The following NEK11 variants were observed in gnomAD, a reference collection of about 807,000 sequenced individuals.
The protein encoded by NEK11 is serine/threonine-protein kinase Nek11.
Under a neutral mutation model 80.7 loss-of-function variants are expected in NEK11, and 72 were observed. That is an observed-to-expected ratio of 0.89 (90% CI 0.74 to 1.08). The LOEUF is 1.08. Among genes scored for constraint, NEK11 ranks in the 50% least tolerant of loss-of-function variants. The pLI, the probability that NEK11 is intolerant of heterozygous loss-of-function variation, is 0.00. For synonymous variants in NEK11, 251 were observed against 260.7 expected (o/e 0.96, Z 0.36); for missense variants, 764 against 763.6 (o/e 1.00, Z -0.01).
chr3:131,094,866 A>C (rs75495415), intron 4 of NEK11, among the ~76,000 whole-genome samples: 4,737 of 152,276 alleles, frequency 0.031, 227 homozygotes, highest in African/African-American at 0.1. Flanking sequence ...TTTAGAACAG[A>C]CAGCCTGCCA....
intron 14 of NEK11, among the ~76,000 whole-genome samples, chr3:131,195,793 A>AATATATATATATATATATATATAT (rs58272752): frequency 5.7e-4 from 76 of 133,860 alleles, no homozygotes; most frequent in African/African-American, 2.1e-3. Context: ...TATATTTCAG[A>AATATATATATATATATATATATAT]ATATATATAT....
At chr3:131,087,957 T>C (rs1040850061) in intron 4 of NEK11, 1 of 152,286 alleles carries the variant, frequency 6.6e-6, no homozygotes, top group Non-Finnish European at 1.5e-5. Flanking sequence ...GTGACATTGA[T>C]TGGTGATCAT....
intron 17 of NEK11, among the ~76,000 whole-genome samples, chr3:131,303,805 G>T (rs2096690601): frequency 6.6e-6 from 1 of 152,044 alleles, no homozygotes; most frequent in Admixed American, 6.6e-5. Context: ...TTTTGACCTT[G>T]GAGAATCTGA....
chr3:131,261,364 G>C (rs1429399448), intron 16 of NEK11, among the ~76,000 whole-genome samples: 3 of 152,320 alleles, frequency 2.0e-5, no homozygotes, highest in South Asian at 4.1e-4. Context: ...TGAGAAGAGA[G>C]ACTTCAGGAT....
At chr3:131,339,351 T>C (rs906391110) in intron 17 of NEK11, among the ~76,000 whole-genome samples, 1 of 152,176 alleles carries the variant, frequency 6.6e-6, no homozygotes, top group African/African-American at 2.4e-5. Context: ...TCCTTAGAAA[T>C]CAGTTAGTCT....
chr3:131,214,541 A>G (rs948750228), intron 14 of NEK11, among the ~76,000 whole-genome samples: 2 of 152,200 alleles, frequency 1.3e-5, no homozygotes, highest in Non-Finnish European at 2.9e-5. Flanking sequence ...TTTACTCTCT[A>G]AAGCAGGAAA....
At chr3:131,273,923 T>G (rs1241604366) in intron 17 of NEK11, among the ~76,000 whole-genome samples, 1 of 152,112 alleles carries the variant, frequency 6.6e-6, no homozygotes, top group Admixed American at 6.5e-5. Flanking sequence ...ATATACTTAT[T>G]GTTTTCTAGC....
At chr3:131,110,082 A>G (rs768105678) in intron 5 of NEK11, among the ~76,000 whole-genome samples, 161 bp downstream of exon 5, 1 of 152,170 alleles carries the variant, frequency 6.6e-6, no homozygotes, top group Non-Finnish European at 1.5e-5. Context: ...AAACTGTTGA[A>G]TGATTATATC....
rs376875663 is a variant in NEK11, at chr3:131,143,554, A to G, written c.648-8834A>G. The stretch of plus-strand genomic sequence containing the variant: ...CTGTTTTCATATGTGGATTCAAGAA[A>G]GATCTAAAAACTATGCTTCCACTGT... On this transcript the variant is annotated intron_variant, in intron 7 of 17. Transcript: ENST00000383366. 1.5e-4 allele frequency among the ~76,000 whole-genome samples: 23 copies of G among 152,140 alleles called. No homozygotes were observed. The East Asian group carries it at 2.7e-3, about 18-fold the overall frequency.
intron 3 of NEK11, among the ~76,000 whole-genome samples, chr3:131,066,963 C>G (rs1158768610): frequency 6.6e-6 from 1 of 151,736 alleles, no homozygotes; most frequent in African/African-American, 2.4e-5. Context: ...GTCTTAGTTT[C>G]TTTATTTCAA....
intron 3 of NEK11, among the ~76,000 whole-genome samples, chr3:131,078,344 C>A (rs966635198): frequency 1.3e-5 from 2 of 152,140 alleles, no homozygotes; most frequent in African/African-American, 4.8e-5. Flanking sequence ...AAAAAAAGGT[C>A]AAACGTTACC....
chr3:131,089,674 A>G (rs562968240), intron 4 of NEK11, among the ~76,000 whole-genome samples: 14 of 152,130 alleles, frequency 9.2e-5, no homozygotes, highest in Non-Finnish European at 1.9e-4. Flanking sequence ...CCTGACCTCA[A>G]GTGATCTGCC....
intron 17 of NEK11, among the ~76,000 whole-genome samples, chr3:131,304,428 T>C (rs960716560): frequency 3.6e-4 from 55 of 152,330 alleles, no homozygotes; most frequent in African/African-American, 1.3e-3. Flanking sequence ...TTAAGAATCA[T>C]TGCTGGGGAA....
intron 14 of NEK11, among the ~76,000 whole-genome samples, chr3:131,226,660 G>A (rs1186214007): frequency 1.3e-5 from 2 of 152,076 alleles, no homozygotes; most frequent in African/African-American, 4.8e-5. Context: ...TGGGATAATG[G>A]ACTTTGGAGA....
chr3:131,265,389 A>G (rs2096029267), intron 16 of NEK11, among the ~76,000 whole-genome samples: 1 of 152,172 alleles, frequency 6.6e-6, no homozygotes, highest in Non-Finnish European at 1.5e-5. Flanking sequence ...GATATGTTCC[A>G]TCAAAACTTA....
chr3:131,274,265 A>C (rs2096253465), intron 17 of NEK11, among the ~76,000 whole-genome samples: 1 of 148,168 alleles, frequency 6.7e-6, no homozygotes, highest in Admixed American at 6.7e-5. Flanking sequence ...AGTTTCATCC[A>C]TGTCCCTACA....
chr3:131,290,852 C>T (rs1252252574), intron 17 of NEK11, among the ~76,000 whole-genome samples: 1 of 152,134 alleles, frequency 6.6e-6, no homozygotes, highest in African/African-American at 2.4e-5. Flanking sequence ...CATATATCTC[C>T]TGCCCCCACA....
intron 11 of NEK11, among the ~76,000 whole-genome samples, chr3:131,163,178 A>C (rs1202864178): frequency 6.6e-6 from 1 of 152,208 alleles, no homozygotes; most frequent in Admixed American, 6.5e-5. Flanking sequence ...AATAGCATGA[A>C]GATTCCTCTA....
intron 16 of NEK11, among the ~76,000 whole-genome samples, chr3:131,271,584 CAGG>C (rs1305200052): frequency 6.6e-6 from 1 of 151,978 alleles, no homozygotes; most frequent in Non-Finnish European, 1.5e-5. Flanking sequence ...CACCTCAGGT[CAGG>C]AGTTCGAGAC....
Sources: allele counts gnomAD v4.1 joint callset (sites outside exome capture counted in the v4.1 genomes callset), GRCh38; gene constraint gnomAD v4.1.1; transcripts MANE v1.5; gene names NCBI Gene and HGNC (gene_info 2026-07-23, HGNC 2026-07-21).